COL5A1: variants seen among roughly 807,000 people sequenced by gnomAD.
COL5A1 encodes collagen alpha-1(V) chain.
Under a neutral mutation model 263.7 loss-of-function variants are expected in COL5A1, and 16 were observed. That is an observed-to-expected ratio of 0.06 (90% CI 0.04 to 0.09). The LOEUF (loss-of-function observed/expected upper bound fraction) is 0.09, where lower values mean the gene tolerates loss of function less well. Among genes scored for constraint, COL5A1 ranks in the 10% least tolerant of loss-of-function variants. COL5A1 has a pLI of 1.00. For synonymous variants in COL5A1, 1,012 were observed against 1,004.5 expected, an observed-to-expected ratio of 1.01 and a Z score of -0.14; for missense variants, 2,036 against 2,540.5, an observed-to-expected ratio of 0.80 and a Z score of 4.27.
intron 28 of COL5A1, among the ~76,000 whole-genome samples, chr9:134,780,618 C>T (rs1358956416): frequency 1.3e-5 from 2 of 152,216 alleles, no homozygotes; most frequent in African/African-American, 4.8e-5. Flanking sequence ...GGGAGAGAGG[C>T]CGTGCCATTG....
rs376463757 is a variant in COL5A1 at position 134,783,123 on chromosome 9, C to T, written c.2484+403C>T. 1.2e-4 allele frequency among the ~76,000 whole-genome samples: 19 copies of T among 152,332 alleles called. No individual in the cohort carries two copies. The South Asian group carries it at 2.9e-3, about 23-fold the overall frequency. ...GAAATGACCCAGCCTACCGAAGGAG[C>T]GCAGCTGCTGCCCAGGCCACACGGC... On this transcript the variant is annotated intron_variant, in intron 29 of 65. Coordinates refer to ENST00000371817, the MANE Select transcript of COL5A1 (RefSeq NM_000093.5).
At chr9:134,646,930 C>T (rs576034004) in intron 1 of COL5A1, among the ~76,000 whole-genome samples, 1 of 152,290 alleles carries the variant, frequency 6.6e-6, no homozygotes, top group South Asian at 2.1e-4. Context: ...AGCTTCCCCT[C>T]GTGAACATGG....
At chr9:134,747,907 A>G (rs1401079880) in intron 11 of COL5A1, among the ~76,000 whole-genome samples, 2 of 151,566 alleles carry the variant, frequency 1.3e-5, no homozygotes, top group African/African-American at 4.9e-5. Context: ...ACACATGCAG[A>G]CACATGCACA....
intron 11 of COL5A1, among the ~76,000 whole-genome samples, chr9:134,747,630 T>A (rs552396839): frequency 6.6e-6 from 1 of 151,440 alleles, no homozygotes; most frequent in Admixed American, 6.6e-5. Context: ...TGCAGATACA[T>A]GCACACATGC....
intron 1 of COL5A1, among the ~76,000 whole-genome samples, chr9:134,666,014 G>A (rs1231343959): frequency 6.6e-6 from 1 of 152,154 alleles, no homozygotes; most frequent in African/African-American, 2.4e-5. Flanking sequence ...TTGAACCCGG[G>A]AGGCGGAGGT....
At chr9:134,774,454 C>T (rs1564450334) in intron 26 of COL5A1, among the ~76,000 whole-genome samples, 1 of 152,222 alleles carries the variant, frequency 6.6e-6, no homozygotes, top group Non-Finnish European at 1.5e-5. Context: ...GTCTAGCAGC[C>T]TTGTCCCTTC....
In COL5A1 at chr9:134,662,741, G is replaced by A. The variant is rs184419288; in HGVS notation, c.109+20445G>A. Among the ~76,000 whole-genome samples, 515 of 152,290 alleles carry A rather than the reference G, an allele frequency of 3.4e-3. 19 individuals are homozygous for A. The South Asian group carries it at 0.068, about 20-fold the overall frequency. On this transcript the variant is annotated intron_variant, in intron 1 of 65. Coordinates refer to ENST00000371817, the MANE Select transcript of COL5A1 (RefSeq NM_000093.5). ...TCTAGAGTGAGGTGGGGACATGGAC[G>A]GCTGCCAGCTTGGATGGGGACGGGC...
intron 65 of COL5A1, among the ~76,000 whole-genome samples, chr9:134,839,850 G>T (rs1478337568): frequency 6.6e-6 from 1 of 152,254 alleles, no homozygotes; most frequent in Non-Finnish European, 1.5e-5. Context: ...CCACCGCAGA[G>T]CTGCAACTGG....
chr9:134,811,252 TC>T (rs1838510443), intron 44 of COL5A1, 86 bp from the exon 45 acceptor site: 3 of 1,217,310 alleles, frequency 2.5e-6, no homozygotes, highest in African/African-American at 1.5e-5. Flanking sequence ...GATGCATCAG[TC>T]CCCGGGCTCA....
chr9:134,767,241 G>A (rs933337842), intron 23 of COL5A1, 69 bp from the exon 24 acceptor site: 66 of 1,536,290 alleles, frequency 4.3e-5, no homozygotes, highest in Non-Finnish European at 5.8e-5. Flanking sequence ...AAGATGGACA[G>A]ATGGCAGGGG....
intron 6 of COL5A1, 59 bp from the exon 7 acceptor site, chr9:134,730,177 A>G: frequency 6.2e-7 from 1 of 1,603,992 alleles, no homozygotes; most frequent in Non-Finnish European, 8.5e-7. Context: ...CAAGTCCCAG[A>G]CCTGGCACCA....
chr9:134,804,988 C>T lies in COL5A1; in HGVS notation c.3128C>T (p.Pro1043Leu). Residue 1043 changes from proline to leucine, a missense_variant, in exon 40 of 66, where the codon CCT becomes CTT. Around this residue, in one of 3 missense-constraint regions of COL5A1, gnomAD observed 1,078 missense variants for 1,521.4 expected, o/e 0.71. Coordinates refer to ENST00000371817, the MANE Select transcript of COL5A1 (RefSeq NM_000093.5). ...CTCTGTTTTCAGGGTGACCCAGGCC[C>T]TGCAGGCCTCCCTGGGAAAGATGGC... is the stretch of plus-strand genomic sequence containing the variant. ...GKEGTKGDPG[P>L]AGLPGKDGPP... 1 of 1,613,736 alleles carries T rather than the reference C, an allele frequency of 6.2e-7. No individual in the cohort carries two copies. The highest frequency in any genetic ancestry group is 1.7e-5 in the Admixed American group (1 of 60,030).
intron 11 of COL5A1, among the ~76,000 whole-genome samples, chr9:134,740,793 T>C (rs911294322): frequency 1.3e-5 from 2 of 152,176 alleles, no homozygotes; most frequent in African/African-American, 2.4e-5. Context: ...CCTACCCAGC[T>C]GCCGTGGAGG....
At chr9:134,759,494 C>T (rs1280307382) in intron 18 of COL5A1, among the ~76,000 whole-genome samples, 3 of 117,588 alleles carry the variant, frequency 2.6e-5, no homozygotes, top group Admixed American at 1.8e-4. Context: ...CACCCACACT[C>T]ATACACACAT....
At position 134,642,346 on chromosome 9, in the gene COL5A1, G is replaced by A. The variant is rs534248216; in HGVS notation, c.109+50G>A. The A allele has an allele frequency of 4.2e-6, 2 of 473,378 alleles. No homozygotes were observed. Among genetic ancestry groups the A allele is most frequent in the African/African-American group, 2.1e-5 (1 of 48,212 alleles). 29.3% of individuals were successfully genotyped at this position (473,378 alleles called of 1,614,324 possible). A position where few individuals can be genotyped will look rare whatever the true frequency, so the allele number is the denominator to read the frequency against. ...CTGCGGGATGGGGCGCGCGCAGCCCGGGCGCCGCTGTCATCCCCGGGCGCC... is the reference window on the plus strand; with the variant it reads ...CTGCGGGATGGGGCGCGCGCAGCCCAGGCGCCGCTGTCATCCCCGGGCGCC... On this transcript the variant is annotated intron_variant, in intron 1 of 65. Transcript: ENST00000371817. The surrounding 1 kb of genome is among the most constrained non-coding windows in gnomAD (Gnocchi z 4.5).
chr9:134,720,729 C>T (rs2132619646), intron 4 of COL5A1, among the ~76,000 whole-genome samples: 1 of 152,280 alleles, frequency 6.6e-6, no homozygotes, highest in South Asian at 2.1e-4. Context: ...AATGGGGAGA[C>T]TGTGGCTCCC....
chr9:134,655,649 G>T (rs1386170859), intron 1 of COL5A1, among the ~76,000 whole-genome samples: 2 of 152,138 alleles, frequency 1.3e-5, no homozygotes, highest in Non-Finnish European at 2.9e-5. Context: ...GAGGTCACAG[G>T]TGGCCCCCAT....
rs1317682221 is a variant in COL5A1 at position 134,765,618 on chromosome 9, G to A, written c.2035-63G>A. 1.6e-5 allele frequency: 23 copies of A among 1,470,328 alleles called. No homozygotes were observed. The highest frequency in any genetic ancestry group is 2.2e-5 in the Non-Finnish European group (23 of 1,049,764). 91.1% of individuals were successfully genotyped at this position (1,470,328 alleles called of 1,614,324 possible). ...GAGTCAGGGCCAAGTGGGCATAGGG[G>A]ACAGAGAGGAGGGCTGGGATTTCTG... On this transcript the variant is annotated intron_variant, in intron 20 of 65. Transcript: ENST00000371817. This position sits in a 1 kb window ranked among gnomAD's most constrained non-coding sequence, Gnocchi z 5.1.
chr9:134,763,480 TC>T (rs1037847566), intron 19 of COL5A1, among the ~76,000 whole-genome samples: 1 of 152,224 alleles, frequency 6.6e-6, no homozygotes, highest in Admixed American at 6.5e-5. Context: ...AGCCGGCATC[TC>T]AGAGCCTGCA....
Sources: allele counts gnomAD v4.1 joint callset (sites outside exome capture counted in the v4.1 genomes callset), GRCh38; gene constraint gnomAD v4.1.1; regional missense constraint gnomAD v4.1.1; non-coding constraint Gnocchi (gnomAD v3.1); transcripts MANE v1.5; gene names NCBI Gene and HGNC (gene_info 2026-07-23, HGNC 2026-07-21).